ANO3: variants seen among roughly 807,000 people sequenced by gnomAD.
The protein encoded by ANO3 is anoctamin 3.
ANO3 carries 99 observed loss-of-function variants against 144.8 expected under a neutral mutation model. The ratio of observed to expected loss-of-function variants is 0.68; its 90% CI spans 0.58 to 0.81. The LOEUF is 0.81. ANO3 is among the 30% of genes least tolerant of loss of function. The pLI is 0.00. For missense variants in ANO3, 905 were observed against 1,202.2 expected (o/e 0.75, Z 3.66); for synonymous variants, 414 against 392.6 (o/e 1.05, Z -0.64).
intron 4 of ANO3, among the ~76,000 whole-genome samples, chr11:26,498,371 CTATTA>C (rs1206977752): frequency 6.6e-6 from 1 of 151,358 alleles, no homozygotes; most frequent in East Asian, 1.9e-4. Context: ...ATTATTATTC[CTATTA>C]TATTATACAG....
At chr11:26,200,771 T>A (rs1010544313) in intron 1 of ANO3, among the ~76,000 whole-genome samples, 1 of 152,164 alleles carries the variant, frequency 6.6e-6, no homozygotes, top group Non-Finnish European at 1.5e-5. Context: ...ATTGTCCTCT[T>A]GGTAATAGTG....
intron 1 of ANO3, among the ~76,000 whole-genome samples, chr11:26,191,658 A>G (rs1220524269): frequency 6.6e-6 from 1 of 152,200 alleles, no homozygotes; most frequent in Non-Finnish European, 1.5e-5. Flanking sequence ...TAACCTACAC[A>G]TATTCCACAA....
At chr11:26,350,270 A>G (rs1855610433) in intron 1 of ANO3, among the ~76,000 whole-genome samples, 1 of 152,116 alleles carries the variant, frequency 6.6e-6, no homozygotes, top group African/African-American at 2.4e-5. Context: ...CATCAGCACG[A>G]GTAGTGTGGT....
intron 1 of ANO3, among the ~76,000 whole-genome samples, chr11:26,351,656 G>C (rs1855648855): frequency 6.6e-6 from 1 of 152,144 alleles, no homozygotes; most frequent in Admixed American, 6.5e-5. Flanking sequence ...AGCTGAATTG[G>C]TTATAGCATG....
At chr11:26,267,184 GCACA>G (rs373864169) in intron 1 of ANO3, among the ~76,000 whole-genome samples, 2 of 147,594 alleles carry the variant, frequency 1.4e-5, no homozygotes, top group Middle Eastern at 3.3e-3. Flanking sequence ...ACGCACGCAC[GCACA>G]CACACACACA....
chr11:26,490,228 T>G (rs1565057434), intron 4 of ANO3, among the ~76,000 whole-genome samples: 1 of 152,156 alleles, frequency 6.6e-6, no homozygotes, highest in South Asian at 2.1e-4. Context: ...CACTTTTGCT[T>G]CTTCCTTGTT....
At chr11:26,570,191 T>C (rs1324122393) in intron 14 of ANO3, among the ~76,000 whole-genome samples, 2 of 152,140 alleles carry the variant, frequency 1.3e-5, no homozygotes, top group African/African-American at 2.4e-5. Flanking sequence ...GTCACTGTTT[T>C]AGAACAACTC....
intron 1 of ANO3, among the ~76,000 whole-genome samples, chr11:26,283,724 T>C (rs1015237591): frequency 2.4e-4 from 36 of 152,130 alleles, no homozygotes; most frequent in African/African-American, 8.7e-4. Flanking sequence ...TCCAGGGTAC[T>C]AGAAATCTAA....
intron 14 of ANO3, among the ~76,000 whole-genome samples, chr11:26,574,693 G>C (rs1222023429): frequency 6.6e-6 from 1 of 152,080 alleles, no homozygotes; most frequent in Non-Finnish European, 1.5e-5. Context: ...GATAGAAATA[G>C]AGGGATTATT....
chr11:26,247,427 T>C (rs1376163069), intron 1 of ANO3, among the ~76,000 whole-genome samples: 1 of 152,202 alleles, frequency 6.6e-6, no homozygotes, highest in Non-Finnish European at 1.5e-5. Flanking sequence ...TTTTTTTATT[T>C]CACCAAGCTA....
chr11:26,529,875 A>T (rs1478142518), intron 7 of ANO3, among the ~76,000 whole-genome samples: 1 of 152,136 alleles, frequency 6.6e-6, no homozygotes, highest in African/African-American at 2.4e-5. Flanking sequence ...ATGTAATCTA[A>T]AGCTGGAGCC....
At chr11:26,612,553 A>C (rs558309503) in intron 17 of ANO3, among the ~76,000 whole-genome samples, 1 of 150,132 alleles carries the variant, frequency 6.7e-6, no homozygotes, top group Admixed American at 6.7e-5. Context: ...ATTTCAATAG[A>C]TTATTCTCAG....
At chr11:26,366,550 G>A (rs990021178) in intron 1 of ANO3, among the ~76,000 whole-genome samples, 19 of 152,178 alleles carry the variant, frequency 1.2e-4, no homozygotes, top group Non-Finnish European at 1.8e-4. Flanking sequence ...CTGAGGAATC[G>A]CCACAGTCTT....
intron 17 of ANO3, among the ~76,000 whole-genome samples, chr11:26,619,460 C>CTTTTTT (rs1305207240): frequency 1.3e-5 from 2 of 151,844 alleles, no homozygotes; most frequent in Non-Finnish European, 2.9e-5. Flanking sequence ...ACTAAAGATT[C>CTTTTTT]TTTTTTTATT....
At chr11:26,524,020 AGT>A (rs1302157083) in intron 6 of ANO3, among the ~76,000 whole-genome samples, 14 of 151,504 alleles carry the variant, frequency 9.2e-5, no homozygotes, top group Non-Finnish European at 2.1e-4. Context: ...GTATTTAGTA[AGT>A]GTTTATGAAA....
At chr11:26,573,419 G>A (rs1377117603) in intron 14 of ANO3, among the ~76,000 whole-genome samples, 2 of 152,096 alleles carry the variant, frequency 1.3e-5, no homozygotes, top group Non-Finnish European at 2.9e-5. Context: ...CTGAACAGTG[G>A]CTTAATAGAA....
intron 1 of ANO3, among the ~76,000 whole-genome samples, chr11:26,213,827 G>C (rs1249766940): frequency 2.6e-5 from 4 of 151,900 alleles, no homozygotes; most frequent in African/African-American, 9.7e-5. Context: ...ATTTTGATTT[G>C]TGTGCAAATT....
intron 15 of ANO3, 121 bp from the exon 16 acceptor site, chr11:26,598,737 G>A (rs1190490537): frequency 1.7e-5 from 15 of 905,228 alleles, no homozygotes; most frequent in Non-Finnish European, 2.3e-5. Context: ...TTAAAAGGTT[G>A]CTTTATTGTG....
chr11:26,301,824 C>T (rs893893947), intron 1 of ANO3, among the ~76,000 whole-genome samples: 1 of 152,122 alleles, frequency 6.6e-6, no homozygotes, highest in African/African-American at 2.4e-5. Context: ...TATCCCTGCC[C>T]CCATTGATGT....
Sources: allele counts gnomAD v4.1 joint callset (sites outside exome capture counted in the v4.1 genomes callset), GRCh38; gene constraint gnomAD v4.1.1; transcripts MANE v1.5; gene names NCBI Gene and HGNC (gene_info 2026-07-23, HGNC 2026-07-21).